The following SUN5 variants were observed in gnomAD, a reference collection of about 807,000 sequenced individuals.
SUN5 encodes SUN domain-containing protein 5.
A neutral mutation model predicts 53.7 loss-of-function variants in SUN5; 44 were observed. The ratio of observed to expected loss-of-function variants is 0.82; its 90% confidence interval spans 0.64 to 1.05. The LOEUF (loss-of-function observed/expected upper bound fraction) is 1.05, where lower values mean the gene tolerates loss of function less well. Among genes scored for constraint, SUN5 ranks in the 50% least tolerant of loss-of-function variants. SUN5 has a pLI of 0.00. For synonymous variants in SUN5, 166 were observed against 179.8 expected (o/e 0.92, Z 0.62); for missense variants, 433 against 483.8 (o/e 0.90, Z 0.98).
At chr20:32,994,621 G>A (rs1488194067) in intron 8 of SUN5, among the ~76,000 whole-genome samples, 2 of 152,190 alleles carry the variant, frequency 1.3e-5, no homozygotes. Context: ...AACTAAGGCT[G>A]GATGCAGTGG....
intron 8 of SUN5, among the ~76,000 whole-genome samples, chr20:32,989,940 G>T (rs1006223149): frequency 6.6e-6 from 1 of 152,200 alleles, no homozygotes; most frequent in African/African-American, 2.4e-5. Flanking sequence ...AGGTCCCGGA[G>T]TCTCAGTGAG....
chr20:32,987,572 AC>A (rs1989578261), intron 10 of SUN5, 87 bp downstream of exon 10: 6 of 252,044 alleles, frequency 2.4e-5, no homozygotes, highest in Non-Finnish European at 2.5e-5. Flanking sequence ...CTTTGCTCCC[AC>A]CCCCTACCTC....
chr20:32,997,320 G>A (rs913519028), intron 6 of SUN5, among the ~76,000 whole-genome samples: 1 of 152,194 alleles, frequency 6.6e-6, no homozygotes, highest in African/African-American at 2.4e-5. Context: ...GCTGCCTTAA[G>A]TACAGAAATG....
At chr20:33,001,986 G>A (rs939865439) in intron 3 of SUN5, among the ~76,000 whole-genome samples, 2 of 152,152 alleles carry the variant, frequency 1.3e-5, no homozygotes, top group African/African-American at 4.8e-5. Flanking sequence ...GAGCACAAAA[G>A]GCCTGGAATG....
chr20:33,001,856 A>AT (rs774910874), intron 3 of SUN5, among the ~76,000 whole-genome samples: 1 of 151,882 alleles, frequency 6.6e-6, no homozygotes, highest in Non-Finnish European at 1.5e-5. Context: ...GTTTCACTGT[A>AT]TTGGCCAGGT....
intron 3 of SUN5, among the ~76,000 whole-genome samples, chr20:33,002,118 G>C (rs1278037156): frequency 6.6e-6 from 1 of 152,080 alleles, no homozygotes; most frequent in Non-Finnish European, 1.5e-5. Flanking sequence ...ACAGGAAGGT[G>C]AGAGGACACA....
chr20:32,997,655 T>C lies in SUN5; in HGVS notation c.373A>G (p.Lys125Glu). Reference sequence around the variant, plus strand: ...ACACTCACCTGCCAGACTTTCATTTTCGATGGTAAGTGAATAGAAAACATC... The same window carrying C: ...ACACTCACCTGCCAGACTTTCATTTCCGATGGTAAGTGAATAGAAAACATC... ...FWMFSIHLPS[K>E]MKVWQDDSIN... Residue 125 changes from lysine (K) to glutamate (E), a missense_variant, in exon 6 of 13, where the codon AAA becomes GAA. Transcript: ENST00000356173. 6.2e-7 allele frequency: 1 copy of C among 1,614,054 alleles called. No individual in the cohort carries two copies. The highest frequency in any genetic ancestry group is 8.5e-7 in the Non-Finnish European group (1 of 1,179,988).
At chr20:33,000,044 C>A (rs1989960682) in intron 5 of SUN5, 30 bp downstream of exon 5, 2 of 1,601,824 alleles carry the variant, frequency 1.2e-6, no homozygotes. Flanking sequence ...GATACCTCCA[C>A]CTGGGACTGG....
rs762754172 is a variant in SUN5, at chr20:33,002,871, G to A, written c.126C>T (p.Ser42=). ...RNTSRMAEDT[S]PNMNDNILLP... ...CCTGTCCTTGCTCACTCATGTTTGG[G>A]GAGGTGTCCTCTGCCATCCTGCTGG... The change falls in exon 2 of 13, where the codon TCC becomes TCT. Residue 42 remains serine, a synonymous_variant. Coordinates refer to ENST00000356173, the MANE Select transcript of SUN5 (RefSeq NM_080675.4). 9 of 1,614,130 alleles carry A rather than the reference G, an allele frequency of 5.6e-6. No individual in the cohort carries two copies. The highest frequency in any genetic ancestry group is 6.8e-6 in the Non-Finnish European group (8 of 1,180,040).
Position 32,995,677 on chromosome 20 carries a change from C to T in SUN5, c.476G>A (p.Arg159Gln), listed in dbSNP as rs144823079. Residue 159 changes from arginine to glutamine, a missense_variant, in exon 8 of 13, where the codon CGA becomes CAA. Coordinates refer to ENST00000356173, the MANE Select transcript of SUN5 (RefSeq NM_080675.4). ...GGCAATGAGCTGGTTCATGCTACCT[C>T]GGAGGTCCTGGATTTCCCCACTGTG... ...RHHSGEIQDL[R>Q]GSMNQLIAKL... 1,575 of 1,614,138 alleles carry T rather than the reference C, an allele frequency of 9.8e-4. 4 individuals carry two copies. The highest frequency in any genetic ancestry group is 1.2e-3 in the Middle Eastern group (7 of 6,062).
chr20:32,988,339 G>C (rs1445703469), intron 9 of SUN5, among the ~76,000 whole-genome samples: 2 of 152,196 alleles, frequency 1.3e-5, no homozygotes, highest in Non-Finnish European at 2.9e-5. Flanking sequence ...GGGTGCCCGA[G>C]TTGGAGGTGC....
rs551848490 is a variant in SUN5 at position 32,986,460 on chromosome 20, C to T, written c.730-557G>A. Reference sequence around the variant, plus strand: ...TTTGATGGAAATCACCCAGGAAAGGCGATTACTCGGTCGGTTCTGAGCTTC... The same window carrying T: ...TTTGATGGAAATCACCCAGGAAAGGTGATTACTCGGTCGGTTCTGAGCTTC... On this transcript the variant is annotated intron_variant, in intron 10 of 12. Coordinates refer to ENST00000356173, the MANE Select transcript of SUN5 (RefSeq NM_080675.4). Among the ~76,000 whole-genome samples, 96 of 152,254 alleles carry T rather than the reference C, an allele frequency of 6.3e-4. 1 individual carries two copies. Among genetic ancestry groups the T allele is most frequent in the Middle Eastern group, 6.8e-3 (2 of 294 alleles).
intron 4 of SUN5, 28 bp from the exon 5 acceptor site, chr20:33,000,163 T>C (rs1309120664): frequency 1.3e-6 from 2 of 1,587,196 alleles, no homozygotes; most frequent in African/African-American, 2.7e-5. Flanking sequence ...GTGGTCAAGA[T>C]CAGGTGGGCA....
chr20:32,985,720 G>A lies in SUN5; in HGVS notation c.897+16C>T, dbSNP rs1989518051. ...TCCCTTTAGCTAAGCATAGCTCCCT[G>A]CAGGGGAGTGCTCACATAGATGACG... On this transcript the variant is annotated intron_variant, in intron 11 of 12. Coordinates refer to ENST00000356173, the MANE Select transcript of SUN5 (RefSeq NM_080675.4). The A allele has an allele frequency of 1.9e-6, 3 of 1,613,240 alleles. No homozygotes were observed. Among genetic ancestry groups the A allele is most frequent in the South Asian group, 1.1e-5 (1 of 90,990 alleles).
intron 3 of SUN5, 129 bp from the exon 4 acceptor site, chr20:33,001,407 C>G (rs927887299): frequency 1.4e-5 from 14 of 1,006,836 alleles, no homozygotes; most frequent in Middle Eastern, 5.4e-4. Context: ...GTTGGCCGAG[C>G]CTGGGACAGA....
chr20:33,000,843 TAAAAAA>T (rs538864856), intron 4 of SUN5, among the ~76,000 whole-genome samples: 1 of 107,286 alleles, frequency 9.3e-6, no homozygotes, highest in Non-Finnish European at 2.1e-5. Flanking sequence ...AAACCCTGTC[TAAAAAA>T]AAAAAAAAAA....
In SUN5 at chr20:32,983,820, G is replaced by T; in HGVS notation, c.1114C>A (p.Gln372Lys). 1 of 1,567,356 alleles carries T rather than the reference G, an allele frequency of 6.4e-7. No individual in the cohort carries two copies. The highest frequency in any genetic ancestry group is 1.2e-5 in the South Asian group (1 of 82,478). The change falls in exon 13 of 13, where the codon CAG becomes AAG. Residue 372 changes from glutamine (Q) to lysine (K), a missense_variant. Gln to Lys is a moderately conservative substitution (Grantham distance 53). Coordinates refer to ENST00000356173, the MANE Select transcript of SUN5 (RefSeq NM_080675.4). ...TAATCTCTCTTAGGGTAGGGGTTCT[G>T]GTGAGGCTGCTCTCTGGGCGGGGCC... ...SVAPPREQPH[Q>K]NPYPKRD
intron 10 of SUN5, among the ~76,000 whole-genome samples, chr20:32,986,214 A>T (rs900883018): frequency 1.3e-4 from 20 of 152,068 alleles, no homozygotes; most frequent in African/African-American, 4.8e-4. Context: ...CATCCCTCCC[A>T]TTATTCTTTA....
chr20:32,985,123 G>GT lies in SUN5; in HGVS notation c.959dup (p.Asn320LysfsTer58). 1 of 1,614,130 alleles carries GT rather than the reference G, an allele frequency of 6.2e-7. No homozygotes were observed. Among genetic ancestry groups the GT allele is most frequent in the Non-Finnish European group, 8.5e-7 (1 of 1,180,002 alleles). On this transcript the variant is annotated frameshift_variant, in exon 12 of 13. Transcript: ENST00000356173. LOFTEE classifies it low-confidence loss of function (END_TRUNC). ...CCTGGAGTGGGAACATCTGGATGAT[G>GT]TTTTCTGGCTGAAACTGAAATGCCC...
Sources: allele counts gnomAD v4.1 joint callset (sites outside exome capture counted in the v4.1 genomes callset), GRCh38; gene constraint gnomAD v4.1.1; transcripts MANE v1.5; gene names NCBI Gene and HGNC (gene_info 2026-07-23, HGNC 2026-07-21).